GRIK4: variants seen among roughly 807,000 people sequenced by gnomAD.
GRIK4 encodes the protein glutamate receptor ionotropic, kainate 4.
Under a neutral mutation model 104.9 loss-of-function variants are expected in GRIK4, and 40 were observed. The observed-to-expected ratio is 0.38, with a 90% CI of 0.30 to 0.50. The LOEUF (loss-of-function observed/expected upper bound fraction) is 0.50, where lower values mean the gene tolerates loss of function less well. Ranked by LOEUF, GRIK4 falls within the 20% of genes least tolerant of loss-of-function variation. The probability of loss-of-function intolerance (pLI) is 0.93; values close to 1 mark genes in which losing one functional copy is unlikely to be tolerated. For synonymous variants in GRIK4, 485 were observed against 524.9 expected (o/e 0.92, Z 1.04); for missense variants, 1,047 against 1,308.1 (o/e 0.80, Z 3.08).
intron 3 of GRIK4, among the ~76,000 whole-genome samples, chr11:120,710,815 T>A (rs1950719395): frequency 1.3e-5 from 2 of 152,180 alleles, no homozygotes; most frequent in South Asian, 4.1e-4. Context: ...TGTTAATGAT[T>A]TGTATTATTT....
At chr11:120,856,520 G>A (rs1409481878) in intron 8 of GRIK4, among the ~76,000 whole-genome samples, 1 of 152,192 alleles carries the variant, frequency 6.6e-6, no homozygotes, top group Non-Finnish European at 1.5e-5. Context: ...ACATTTAAGA[G>A]ATAGATTTGA....
At chr11:120,714,831 G>A (rs771225482) in intron 3 of GRIK4, among the ~76,000 whole-genome samples, 45 of 152,146 alleles carry the variant, frequency 3.0e-4, no homozygotes, top group Non-Finnish European at 4.9e-4. Flanking sequence ...GGTAGGAAGC[G>A]GTCAGATCAT....
intron 5 of GRIK4, among the ~76,000 whole-genome samples, chr11:120,817,683 C>A (rs577044406): frequency 3.0e-4 from 45 of 152,174 alleles, no homozygotes; most frequent in Admixed American, 1.1e-3. Context: ...GAGTATAGAT[C>A]GATCTTTGTC....
At chr11:120,656,767 T>G (rs1439630890) in intron 2 of GRIK4, among the ~76,000 whole-genome samples, 1 of 152,122 alleles carries the variant, frequency 6.6e-6, no homozygotes, top group Non-Finnish European at 1.5e-5. Context: ...GGCAGGAGAA[T>G]TGTTTGAACC....
At chr11:120,944,150 G>GTC (rs758823300) in intron 14 of GRIK4, among the ~76,000 whole-genome samples, 23 of 149,364 alleles carry the variant, frequency 1.5e-4, no homozygotes, top group Admixed American at 2.7e-4. Context: ...CTCTCTCTCT[G>GTC]TCTCTCTCTC....
chr11:120,644,214 G>T (rs180835979), intron 1 of GRIK4, among the ~76,000 whole-genome samples: 32 of 152,280 alleles, frequency 2.1e-4, no homozygotes, highest in African/African-American at 7.0e-4. Flanking sequence ...CACACATTAA[G>T]TGCTCAGTAA....
At chr11:120,656,597 A>C (rs1273871528) in intron 2 of GRIK4, among the ~76,000 whole-genome samples, 1 of 152,136 alleles carries the variant, frequency 6.6e-6, no homozygotes, top group Non-Finnish European at 1.5e-5. Context: ...GCAGTGGCTC[A>C]CGCCTGTAAT....
rs150144624 is a variant in GRIK4 at position 120,666,502 on chromosome 11, C to T, written c.82+6102C>T. ...AAAGCACATAGGTAATGGCAGTGAG[C>T]GTTAGTAAGTGTTGCTTCTCTATTT... On this transcript the variant is annotated intron_variant, in intron 3 of 20. Coordinates refer to ENST00000527524, the MANE Select transcript of GRIK4 (RefSeq NM_014619.5). 1.2e-3 allele frequency among the ~76,000 whole-genome samples: 190 copies of T among 152,294 alleles called. 1 individual carries two copies. The highest frequency in any genetic ancestry group is 4.3e-3 in the African/African-American group (178 of 41,572).
At chr11:120,910,225 G>T (rs1405630114) in intron 13 of GRIK4, among the ~76,000 whole-genome samples, 1 of 152,228 alleles carries the variant, frequency 6.6e-6, no homozygotes, top group Non-Finnish European at 1.5e-5. Context: ...TGTTACAACA[G>T]CGGAAAGCAT....
intron 1 of GRIK4, among the ~76,000 whole-genome samples, chr11:120,542,961 C>T (rs1005857430): frequency 6.6e-6 from 1 of 152,238 alleles, no homozygotes; most frequent in African/African-American, 2.4e-5. Context: ...ATTGTTACAA[C>T]AACCCTGTGC....
At chr11:120,853,319 G>C (rs1472737992) in intron 8 of GRIK4, among the ~76,000 whole-genome samples, 1 of 152,166 alleles carries the variant, frequency 6.6e-6, no homozygotes, top group South Asian at 2.1e-4. Context: ...TGAGGGGGAA[G>C]TTCATGATCA....
chr11:120,972,580 G>A (rs1311347073), intron 19 of GRIK4, among the ~76,000 whole-genome samples: 2 of 152,150 alleles, frequency 1.3e-5, no homozygotes, highest in Non-Finnish European at 2.9e-5. Flanking sequence ...CAGATAAAAG[G>A]ATGCCCTGGC....
chr11:120,710,460 C>T (rs1950711970), intron 3 of GRIK4, among the ~76,000 whole-genome samples: 1 of 152,138 alleles, frequency 6.6e-6, no homozygotes, highest in African/African-American at 2.4e-5. Flanking sequence ...CACTCTGGCC[C>T]CTCTGTAACC....
chr11:120,959,879 T>C (rs1164552336), intron 16 of GRIK4, among the ~76,000 whole-genome samples: 1 of 152,216 alleles, frequency 6.6e-6, no homozygotes, highest in East Asian at 1.9e-4. Flanking sequence ...AATACAAATT[T>C]ATCAGCTGGC....
At chr11:120,859,899 C>T (rs1760971164) in intron 8 of GRIK4, among the ~76,000 whole-genome samples, 1 of 152,208 alleles carries the variant, frequency 6.6e-6, no homozygotes, top group South Asian at 2.1e-4. Flanking sequence ...AGCTTGGTAC[C>T]TCCAGTTTGC....
chr11:120,967,426 G>A lies in GRIK4; in HGVS notation c.2395+103G>A. 1.5e-6 allele frequency: 2 copies of A among 1,290,620 alleles called. No individual in the cohort carries two copies. The highest frequency in any genetic ancestry group is 1.5e-5 in the South Asian group (1 of 65,836). The allele number at this position is 1,290,620 out of a possible 1,614,324, so 79.9% of individuals were successfully genotyped here. A position where few individuals can be genotyped will look rare whatever the true frequency, so the allele number is the denominator to read the frequency against. ...CACATAATGACTTGTAGGACCCATT[G>A]AGAACGGCCTTGGAAGGAACCTAGG... On this transcript the variant is annotated intron_variant, in intron 19 of 20. Transcript: ENST00000527524. The surrounding 1 kb of genome is among the most constrained non-coding windows in gnomAD (Gnocchi z 4.2).
intron 9 of GRIK4, chr11:120,872,782 A>C (rs76400832): frequency 0.033 from 6,220 of 187,664 alleles, 311 homozygotes; most frequent in African/African-American, 0.12. Context: ...GTTTTTTGCC[A>C]GGGACCCCGC....
chr11:120,953,002 C>A lies in GRIK4; in HGVS notation c.1700+38C>A. ...TCCCTTCCCTGTCCTTACACCGCCACCTCGTGTCCACCTCTGGGAACTGCA... is the reference window on the plus strand; with the variant it reads ...TCCCTTCCCTGTCCTTACACCGCCAACTCGTGTCCACCTCTGGGAACTGCA... On this transcript the variant is annotated intron_variant, in intron 15 of 20. Transcript: ENST00000527524. This position sits in a 1 kb window ranked among gnomAD's most constrained non-coding sequence, Gnocchi z 4.9. 7.5e-7 allele frequency: 1 copy of A among 1,342,124 alleles called. No individual in the cohort carries two copies. The allele number at this position is 1,342,124 out of a possible 1,614,324, so 83.1% of individuals were successfully genotyped here.
At chr11:120,521,218 G>A (rs902067973) in intron 1 of GRIK4, among the ~76,000 whole-genome samples, 4 of 152,032 alleles carry the variant, frequency 2.6e-5, no homozygotes, top group African/African-American at 4.8e-5. Context: ...GACTACAAGC[G>A]TGCACCACCA....
Sources: allele counts gnomAD v4.1 joint callset (sites outside exome capture counted in the v4.1 genomes callset), GRCh38; gene constraint gnomAD v4.1.1; non-coding constraint Gnocchi (gnomAD v3.1); transcripts MANE v1.5; gene names NCBI Gene and HGNC (gene_info 2026-07-23, HGNC 2026-07-21).